Variants in FLVCR2 observed in about 807,000 individuals in gnomAD.
FLVCR2 encodes the protein choline/ethanolamine transporter FLVCR2.
Under a neutral mutation model 48.9 loss-of-function variants are expected in FLVCR2, and 38 were observed. The observed-to-expected ratio is 0.78, with a 90% confidence interval of 0.60 to 1.02. The LOEUF is 1.02. Among genes scored for constraint, FLVCR2 ranks in the 50% least tolerant of loss-of-function variants. The pLI is 0.00. For synonymous variants in FLVCR2, 255 were observed against 257.0 expected, an observed-to-expected ratio of 0.99 and a Z score of 0.07; for missense variants, 664 against 663.3, an observed-to-expected ratio of 1.00 and a Z score of -0.01.
chr14:75,612,079 C>A (rs891837046), intron 1 of FLVCR2, among the ~76,000 whole-genome samples: 1 of 151,990 alleles, frequency 6.6e-6, no homozygotes, highest in Non-Finnish European at 1.5e-5. Flanking sequence ...TAGGGGAGCA[C>A]GCCTTCTATT....
intron 1 of FLVCR2, among the ~76,000 whole-genome samples, chr14:75,594,899 A>G (rs1314860171): frequency 6.6e-6 from 1 of 151,900 alleles, no homozygotes; most frequent in Non-Finnish European, 1.5e-5. Flanking sequence ...TTTATTTTTC[A>G]TAGAGATGGG....
At chr14:75,592,984 C>T (rs2140010389) in intron 1 of FLVCR2, among the ~76,000 whole-genome samples, 2 of 152,344 alleles carry the variant, frequency 1.3e-5, no homozygotes, top group Non-Finnish European at 2.9e-5. Flanking sequence ...ATAAACGCTA[C>T]TTTCCTTCAT....
rs113705756 is a variant in FLVCR2, at chr14:75,595,013, T to C, written c.669+15372T>C. Among the ~76,000 whole-genome samples the C allele has an allele frequency of 3.4e-3, 520 of 152,226 alleles. 3 individuals are homozygous for C. Among genetic ancestry groups the C allele is most frequent in the Non-Finnish European group, 5.9e-3 (399 of 68,020 alleles). ...GTTTACAAGCATGAGCCACCATACC[T>C]AGCCACATTATCACCTCTTAAAGAC... On this transcript the variant is annotated intron_variant, in intron 1 of 9. Transcript: ENST00000238667.
chr14:75,624,939 A>C (rs1889861787), intron 3 of FLVCR2, among the ~76,000 whole-genome samples, 187 bp downstream of exon 3: 1 of 151,992 alleles, frequency 6.6e-6, no homozygotes, highest in Non-Finnish European at 1.5e-5. Flanking sequence ...CCTAGAAAAT[A>C]ATTTCTTCCC....
intron 1 of FLVCR2, among the ~76,000 whole-genome samples, chr14:75,592,025 C>A (rs966642127): frequency 8.6e-5 from 13 of 151,748 alleles, no homozygotes; most frequent in Middle Eastern, 6.8e-3. Flanking sequence ...GAGATGAGGT[C>A]TTGCCATTTT....
At position 75,635,099 on chromosome 14, in the gene FLVCR2, G is replaced by T. The variant is rs1318888649; in HGVS notation, c.1124+86G>T. The T allele has an allele frequency of 1.8e-5, 16 of 895,134 alleles. No homozygotes were observed. In the East Asian group the frequency reaches 3.8e-4, roughly 21 times the overall value. 55.4% of individuals were successfully genotyped at this position (895,134 alleles called of 1,614,324 possible). ...ATAAGCAGTGTGACTCCAAGTCATTGTTTGGAGATCCTAGTGGCCAAGCAG... is the reference window on the plus strand; with the variant it reads ...ATAAGCAGTGTGACTCCAAGTCATTTTTTGGAGATCCTAGTGGCCAAGCAG... On this transcript the variant is annotated intron_variant, in intron 5 of 9. Coordinates refer to ENST00000238667, the MANE Select transcript of FLVCR2 (RefSeq NM_017791.3).
chr14:75,618,963 C>T (rs1889689377), intron 1 of FLVCR2, among the ~76,000 whole-genome samples: 1 of 151,834 alleles, frequency 6.6e-6, no homozygotes, highest in Middle Eastern at 3.4e-3. Flanking sequence ...GTGGCTCACG[C>T]CTGTAATCCC....
intron 1 of FLVCR2, among the ~76,000 whole-genome samples, chr14:75,621,691 T>G (rs554752511): frequency 1.6e-4 from 24 of 152,194 alleles, no homozygotes; most frequent in Non-Finnish European, 2.5e-4. Context: ...GGCTCTCAGC[T>G]CTGGGTTAAC....
intron 3 of FLVCR2, chr14:75,631,699 A>C (rs1053358983): frequency 4.9e-5 from 22 of 452,264 alleles, no homozygotes; most frequent in African/African-American, 4.2e-4. Context: ...GAGCGGGAGG[A>C]ATGAATGGGA....
chr14:75,601,162 A>T (rs573257153), intron 1 of FLVCR2, among the ~76,000 whole-genome samples: 1 of 152,394 alleles, frequency 6.6e-6, no homozygotes, highest in East Asian at 1.9e-4. Flanking sequence ...CCCATATGGG[A>T]AATGAAGGGA....
At position 75,579,073 on chromosome 14, in the gene FLVCR2, C is replaced by T; in HGVS notation, c.101C>T (p.Ser34Leu). The T allele has an allele frequency of 1.2e-6, 2 of 1,613,998 alleles. No homozygotes were observed. Among genetic ancestry groups the T allele is most frequent in the East Asian group, 2.2e-5 (1 of 44,860 alleles). The change falls in exon 1 of 10, where the codon TCG (serine) becomes TTG (leucine). Residue 34 changes from serine to leucine, a missense_variant. By Grantham distance (145) the Ser-to-Leu change is moderately radical. Coordinates refer to ENST00000238667, the MANE Select transcript of FLVCR2 (RefSeq NM_017791.3). ...AGCGTCTCGGTCCATCCCAGCGTCT[C>T]GGTCCATCCCAGCGTCTCCATCAAC... ...DPSVSVHPSV[S>L]VHPSVSINPS...
chr14:75,581,478 G>T (rs961928408), intron 1 of FLVCR2, among the ~76,000 whole-genome samples: 1 of 152,114 alleles, frequency 6.6e-6, no homozygotes, highest in African/African-American at 2.4e-5. Context: ...GGGTATGAAG[G>T]TTTTACTGAA....
In FLVCR2 at chr14:75,622,217, A is replaced by T; in HGVS notation, c.808A>T (p.Ile270Phe). The change falls in exon 2 of 10, where the codon ATT becomes TTT. Residue 270 changes from isoleucine to phenylalanine, a missense_variant. Coordinates refer to ENST00000238667, the MANE Select transcript of FLVCR2 (RefSeq NM_017791.3). ...CACTCTCCTCCTCATCCTTGTCATC[A>T]TTGGTAAGGTCATTAGTAAACAGAT... ...VATLLLILVIIVFKEKPKYPP... is the reference protein window; with the variant it reads ...VATLLLILVIFVFKEKPKYPP... 2 of 1,613,940 alleles carry T rather than the reference A, an allele frequency of 1.2e-6. No individual in the cohort carries two copies. Among genetic ancestry groups the T allele is most frequent in the Non-Finnish European group, 1.7e-6 (2 of 1,179,884 alleles).
intron 9 of FLVCR2, among the ~76,000 whole-genome samples, chr14:75,642,205 A>G (rs982997355): frequency 5.3e-5 from 8 of 152,284 alleles, no homozygotes; most frequent in African/African-American, 1.9e-4. Flanking sequence ...CCCTGACTGG[A>G]TCTTGAGCCG....
In FLVCR2 at chr14:75,579,004, G is replaced by A; in HGVS notation, c.32G>A (p.Ser11Asn). 1 of 1,614,108 alleles carries A rather than the reference G, an allele frequency of 6.2e-7. No individual in the cohort carries two copies. Among genetic ancestry groups the A allele is most frequent in the Non-Finnish European group, 8.5e-7 (1 of 1,179,998 alleles). The change falls in exon 1 of 10, where the codon AGC becomes AAC. Residue 11 changes from serine to asparagine, a missense_variant. By Grantham distance (46) the Ser-to-Asn change is conservative. Coordinates refer to ENST00000238667, the MANE Select transcript of FLVCR2 (RefSeq NM_017791.3). The stretch of plus-strand genomic sequence containing the variant: ...AATGAAGGTCCCAACCAGGAAGAGA[G>A]CGATGACACCCCTGTGCCGGAGTCC... MVNEGPNQEE[S>N]DDTPVPESAL...
chr14:75,618,941 A>G (rs948386913), intron 1 of FLVCR2, among the ~76,000 whole-genome samples: 1 of 148,866 alleles, frequency 6.7e-6, no homozygotes, highest in African/African-American at 2.5e-5. Flanking sequence ...TATTGGCGAT[A>G]GGCTGGGTGC....
chr14:75,624,264 G>A (rs1009757767), intron 2 of FLVCR2, among the ~76,000 whole-genome samples: 1 of 151,872 alleles, frequency 6.6e-6, no homozygotes, highest in Non-Finnish European at 1.5e-5. Flanking sequence ...TCAGGAGGCC[G>A]AGATGGGAGA....
At chr14:75,601,744 T>C (rs1889170950) in intron 1 of FLVCR2, among the ~76,000 whole-genome samples, 1 of 152,238 alleles carries the variant, frequency 6.6e-6, no homozygotes, top group Non-Finnish European at 1.5e-5. Flanking sequence ...GCAGCATTAT[T>C]CACAATAACT....
intron 3 of FLVCR2, among the ~76,000 whole-genome samples, chr14:75,625,876 G>T (rs1186730345): frequency 2.6e-5 from 4 of 151,984 alleles, no homozygotes; most frequent in Admixed American, 2.6e-4. Context: ...CTATTTAACA[G>T]ATGAGGAAAC....
Sources: gnomAD v4.1 joint callset for allele counts (sites outside exome capture counted in the v4.1 genomes callset) on GRCh38, gnomAD v4.1.1 for gene constraint, MANE v1.5 for transcripts, NCBI Gene and HGNC (gene_info 2026-07-23, HGNC 2026-07-21) for gene names.